The following MSRA variants were observed in gnomAD, a reference collection of about 807,000 sequenced individuals.
MSRA encodes the protein methionine sulfoxide reductase A.
In MSRA, 54 loss-of-function variants were observed where a neutral mutation model predicts 31.3. That is an observed-to-expected ratio of 1.73 (90% CI 1.39 to 2.17). The LOEUF is 2.17. Among genes scored for constraint, MSRA ranks in the 30% most tolerant of loss-of-function variants. MSRA has a pLI of 0.00. For synonymous variants in MSRA, 169 were observed against 116.5 expected, an observed-to-expected ratio of 1.45 and a Z score of -2.90; for missense variants, 507 against 300.9, an observed-to-expected ratio of 1.69 and a Z score of -5.07.
intron 5 of MSRA, among the ~76,000 whole-genome samples, chr8:10,371,442 C>A (rs1306976561): frequency 2.0e-5 from 3 of 152,136 alleles, no homozygotes; most frequent in Non-Finnish European, 4.4e-5. Context: ...CAGAAGCCTT[C>A]TTTCTAGGGT....
chr8:10,240,138 T>G (rs1812282939), intron 2 of MSRA, among the ~76,000 whole-genome samples: 1 of 152,160 alleles, frequency 6.6e-6, no homozygotes, highest in African/African-American at 2.4e-5. Flanking sequence ...GTGCCAAGAA[T>G]ACATGTATGT....
At chr8:10,089,894 C>G (rs1216792016) in intron 1 of MSRA, among the ~76,000 whole-genome samples, 1 of 152,208 alleles carries the variant, frequency 6.6e-6, no homozygotes, top group East Asian at 1.9e-4. Flanking sequence ...GAGAATGGCA[C>G]CAATCCGTTC....
At chr8:10,083,886 G>C (rs1451074714) in intron 1 of MSRA, among the ~76,000 whole-genome samples, 1 of 152,172 alleles carries the variant, frequency 6.6e-6, no homozygotes, top group Non-Finnish European at 1.5e-5. Flanking sequence ...CTTTCTCTGA[G>C]AATTAGATCC....
At chr8:10,130,073 G>C (rs1459127654) in intron 1 of MSRA, among the ~76,000 whole-genome samples, 1 of 152,098 alleles carries the variant, frequency 6.6e-6, no homozygotes, top group Admixed American at 6.5e-5. Context: ...ATGTTGAAGG[G>C]GCATTTCTGG....
At chr8:10,392,420 A>G (rs760348174) in intron 5 of MSRA, among the ~76,000 whole-genome samples, 1 of 152,144 alleles carries the variant, frequency 6.6e-6, no homozygotes, top group Non-Finnish European at 1.5e-5. Context: ...GTCAGTGTCA[A>G]GGCTGGGCAC....
intron 3 of MSRA, among the ~76,000 whole-genome samples, chr8:10,300,734 A>T (rs1427595782): frequency 2.6e-5 from 4 of 152,184 alleles, no homozygotes; most frequent in Non-Finnish European, 4.4e-5. Flanking sequence ...TAGATAAAAA[A>T]TTTATATAGC....
intron 1 of MSRA, among the ~76,000 whole-genome samples, chr8:10,103,620 C>G (rs1049309953): frequency 6.6e-6 from 1 of 152,090 alleles, no homozygotes; most frequent in African/African-American, 2.4e-5. Flanking sequence ...GTTAGTTTCT[C>G]CAGACACATG....
intron 5 of MSRA, among the ~76,000 whole-genome samples, chr8:10,373,586 C>A (rs1287632027): frequency 6.6e-6 from 1 of 152,206 alleles, no homozygotes; most frequent in Non-Finnish European, 1.5e-5. Flanking sequence ...TTGTGGGCCC[C>A]ATGGGGGAAG....
intron 3 of MSRA, among the ~76,000 whole-genome samples, chr8:10,251,870 G>GT (rs1293838055): frequency 1.4e-5 from 2 of 147,430 alleles, no homozygotes; most frequent in Non-Finnish European, 3.1e-5. Context: ...GTGGGGGGGG[G>GT]GGGACATAGG....
At chr8:10,325,922 T>A (rs1047591915) in intron 5 of MSRA, among the ~76,000 whole-genome samples, 1 of 152,146 alleles carries the variant, frequency 6.6e-6, no homozygotes, top group Admixed American at 6.5e-5. Flanking sequence ...TTCTTAACAC[T>A]CCTGGATTAT....
chr8:10,261,793 C>T (rs2975680), intron 3 of MSRA, among the ~76,000 whole-genome samples: 1 of 152,074 alleles, frequency 6.6e-6, no homozygotes, highest in African/African-American at 2.4e-5. Context: ...TTGTATAATA[C>T]GTGTATCTAC....
Position 10,101,911 on chromosome 8 carries a change from G to A in MSRA, c.142+47253G>A, listed in dbSNP as rs75898503. On this transcript the variant is annotated intron_variant, in intron 1 of 5. Transcript: ENST00000317173. ...TCTTTTGAGTATATCCCCAAAAGTG[G>A]AATTCTGGGTTGACAATTTCTTTTT... 8.0e-3 allele frequency among the ~76,000 whole-genome samples: 1,215 copies of A among 152,226 alleles called. 22 individuals are homozygous for A. Among genetic ancestry groups the A allele is most frequent in the African/African-American group, 0.026 (1,096 of 41,534 alleles).
intron 1 of MSRA, among the ~76,000 whole-genome samples, chr8:10,055,471 C>T (rs1426814018): frequency 2.0e-5 from 3 of 152,240 alleles, no homozygotes; most frequent in Non-Finnish European, 4.4e-5. Flanking sequence ...CTTAGTGCAG[C>T]GCTTCTCAGA....
chr8:10,265,055 G>C (rs1798674839), intron 3 of MSRA, among the ~76,000 whole-genome samples: 1 of 152,196 alleles, frequency 6.6e-6, no homozygotes, highest in Non-Finnish European at 1.5e-5. Context: ...CAGGAAGCAA[G>C]AGCATTGAGA....
chr8:10,400,382 T>TAGTGG, intron 5 of MSRA, among the ~76,000 whole-genome samples: 1 of 92,056 alleles, frequency 1.1e-5, no homozygotes, highest in African/African-American at 2.9e-5. Flanking sequence ...TGTGTGTGTG[T>TAGTGG]GTAGTGTGTA....
chr8:10,065,709 C>T (rs188777561), intron 1 of MSRA, among the ~76,000 whole-genome samples: 90 of 152,308 alleles, frequency 5.9e-4, no homozygotes, highest in African/African-American at 2.1e-3. Context: ...GAAGTCTGGG[C>T]TTCATTTTGC....
intron 3 of MSRA, among the ~76,000 whole-genome samples, chr8:10,289,238 A>G (rs1339269571): frequency 6.6e-6 from 1 of 151,990 alleles, no homozygotes; most frequent in Non-Finnish European, 1.5e-5. Flanking sequence ...TGGTCTTGAT[A>G]TCTTGACCTC....
chr8:10,288,965 A>G (rs537795426), intron 3 of MSRA, among the ~76,000 whole-genome samples: 44 of 149,778 alleles, frequency 2.9e-4, no homozygotes, highest in Non-Finnish European at 3.1e-4. Context: ...GTGAGCTTCA[A>G]TAGGAGTGCC....
chr8:10,220,655 T>C (rs1323870897), intron 2 of MSRA, among the ~76,000 whole-genome samples: 1 of 152,234 alleles, frequency 6.6e-6, no homozygotes, highest in African/African-American at 2.4e-5. Context: ...CTGCCACTTG[T>C]CAGGTCACGA....
Sources: gnomAD v4.1 joint callset for allele counts (sites outside exome capture counted in the v4.1 genomes callset) on GRCh38, gnomAD v4.1.1 for gene constraint, MANE v1.5 for transcripts, NCBI Gene and HGNC (gene_info 2026-07-23, HGNC 2026-07-21) for gene names.